EIF3L: variants seen among roughly 807,000 people sequenced by gnomAD.
The protein encoded by EIF3L is eukaryotic translation initiation factor 3 subunit L.
Under a neutral mutation model 74.6 loss-of-function variants are expected in EIF3L, and 32 were observed. The observed-to-expected ratio is 0.43, with a 90% CI of 0.32 to 0.58. The LOEUF is 0.58. Among genes scored for constraint, EIF3L ranks in the 20% least tolerant of loss-of-function variants. EIF3L has a pLI of 0.06. For missense variants in EIF3L, 474 were observed against 707.8 expected (o/e 0.67, Z 3.75); for synonymous variants, 256 against 254.4 (o/e 1.01, Z -0.06).
At chr22:37,886,375 C>A (rs959342820) in intron 11 of EIF3L, 4 of 156,206 alleles carry the variant, frequency 2.6e-5, no homozygotes, top group Non-Finnish European at 5.7e-5. Flanking sequence ...TTGAGACCAG[C>A]CTGATTAACA....
chr22:37,851,391 A>G lies in EIF3L; in HGVS notation c.194A>G (p.Asp65Gly), dbSNP rs144080891. The change falls in exon 3 of 13, where the codon GAT becomes GGT. Residue 65 changes from aspartate (D) to glycine (G), a missense_variant. Asp to Gly is a moderately conservative substitution (Grantham distance 94, BLOSUM62 -1). Around this residue, in one of 4 missense-constraint regions of EIF3L, gnomAD observed 141 missense variants for 197.7 expected, o/e 0.71. Coordinates refer to ENST00000652021, the MANE Select transcript of EIF3L (RefSeq NM_016091.4). The stretch of plus-strand genomic sequence containing the variant: ...CAGTATTTCCACAAAACTGTCTCAG[A>G]TTTGATTGACCAGAAAGTGTATGAG... Reference protein sequence around the residue: ...FIQYFHKTVSDLIDQKVYELQ... With the variant: ...FIQYFHKTVSGLIDQKVYELQ... The G allele has an allele frequency of 6.1e-5, 98 of 1,613,892 alleles. No homozygotes were observed. The highest frequency in any genetic ancestry group is 7.9e-5 in the Non-Finnish European group (93 of 1,179,956).
intron 8 of EIF3L, among the ~76,000 whole-genome samples, chr22:37,871,977 C>A (rs1227757883): frequency 6.6e-6 from 1 of 152,052 alleles, no homozygotes; most frequent in African/African-American, 2.4e-5. Flanking sequence ...AGTATACTCA[C>A]CCTGTACTTC....
At position 37,888,488 on chromosome 22, in the gene EIF3L, C is replaced by G. The variant is rs367756277; in HGVS notation, c.*24C>G. 2 of 1,612,510 alleles carry G rather than the reference C, an allele frequency of 1.2e-6. No individual in the cohort carries two copies. Among genetic ancestry groups the G allele is most frequent in the South Asian group, 1.1e-5 (1 of 90,968 alleles). On this transcript the variant is annotated 3_prime_UTR_variant, in exon 13 of 13. Coordinates refer to ENST00000652021, the MANE Select transcript of EIF3L (RefSeq NM_016091.4). ...GATGATATTCACACACATTCAGGAACCTGTTTTGATGTATTATAGGCAGGA... is the reference window on the plus strand; with the variant it reads ...GATGATATTCACACACATTCAGGAAGCTGTTTTGATGTATTATAGGCAGGA...
intron 12 of EIF3L, chr22:37,888,178 A>G: frequency 2.4e-6 from 1 of 420,578 alleles, no homozygotes; most frequent in Non-Finnish European, 4.2e-6. Context: ...TTTTTCTGTC[A>G]GATGGATAGA....
chr22:37,866,415 C>G (rs1237763268), intron 7 of EIF3L, among the ~76,000 whole-genome samples: 1 of 152,122 alleles, frequency 6.6e-6, no homozygotes, highest in African/African-American at 2.4e-5. Context: ...GGGATCACTA[C>G]CTAGAAGTAG....
At chr22:37,851,513 G>A (rs1472667147) in intron 3 of EIF3L, 23 bp downstream of exon 3, 1 of 1,539,302 alleles carries the variant, frequency 6.5e-7, no homozygotes, top group South Asian at 1.1e-5. Flanking sequence ...GGCTGAAAGG[G>A]CCTCTTTCTG....
intron 5 of EIF3L, among the ~76,000 whole-genome samples, chr22:37,862,655 T>C (rs569367416): frequency 3.3e-5 from 5 of 152,322 alleles, no homozygotes; most frequent in East Asian, 1.9e-4. Context: ...GTGCCACGAT[T>C]TAACTTCTTC....
rs980171268 is a variant in EIF3L at position 37,863,256 on chromosome 22, G to A, written c.506-16G>A. On this transcript the variant is annotated splice_polypyrimidine_tract_variant and intron_variant, in intron 6 of 12. Transcript: ENST00000652021. Reference sequence around the variant, plus strand: ...TCATTGCTTTGAATCTGACTTTTCTGTGATCTCCTGCACAGATGCCGATGG... The same window carrying A: ...TCATTGCTTTGAATCTGACTTTTCTATGATCTCCTGCACAGATGCCGATGG... 2 of 1,606,262 alleles carry A rather than the reference G, an allele frequency of 1.2e-6. No homozygotes were observed. Among genetic ancestry groups the A allele is most frequent in the African/African-American group, 2.7e-5 (2 of 74,528 alleles).
At chr22:37,870,997 G>A (rs1012086507) in intron 8 of EIF3L, among the ~76,000 whole-genome samples, 5 of 151,980 alleles carry the variant, frequency 3.3e-5, no homozygotes. Context: ...GGTGGGTGGG[G>A]TGCCCCTGTA....
At chr22:37,869,973 C>T (rs149321137) in intron 7 of EIF3L, among the ~76,000 whole-genome samples, 1 of 152,302 alleles carries the variant, frequency 6.6e-6, no homozygotes, top group East Asian at 1.9e-4. Context: ...TAGTAAGTAA[C>T]ATTCAGTAAT....
intron 10 of EIF3L, 25 bp from the exon 11 acceptor site, chr22:37,877,649 G>T (rs1393083226): frequency 3.2e-6 from 5 of 1,573,768 alleles, no homozygotes; most frequent in Non-Finnish European, 4.3e-6. Context: ...ATTTGACCCA[G>T]TACCACTCTC....
rs112260260 is a variant in EIF3L at position 37,855,621 on chromosome 22, C to T, written c.350C>T (p.Ala117Val). 6.2e-7 allele frequency: 1 copy of T among 1,614,012 alleles called. No individual in the cohort carries two copies. Among genetic ancestry groups the T allele is most frequent in the African/African-American group, 1.3e-5 (1 of 74,946 alleles). ...FKNTPWPEAE[A>V]IAPQVGNDAV... Reference sequence around the variant, plus strand: ...AATACACCTTGGCCCGAGGCTGAAGCCATTGCTCCACAGGTTGGCAATGGT... The same window carrying T: ...AATACACCTTGGCCCGAGGCTGAAGTCATTGCTCCACAGGTTGGCAATGGT... Residue 117 changes from alanine (A) to valine (V), a missense_variant, in exon 4 of 13, where the codon GCC becomes GTC. Ala to Val is a moderately conservative substitution (Grantham distance 64). This residue lies in a region of EIF3L where 141 missense variants were observed against 197.7 expected (regional missense o/e 0.71). Transcript: ENST00000652021.
chr22:37,880,654 C>G (rs1432748987), intron 11 of EIF3L: 4 of 152,072 alleles, frequency 2.6e-5, no homozygotes, highest in African/African-American at 9.7e-5. Flanking sequence ...CTGTTCCCAG[C>G]CGATTTTAAG....
intron 3 of EIF3L, among the ~76,000 whole-genome samples, chr22:37,854,378 G>A (rs984037531): frequency 1.3e-5 from 2 of 152,206 alleles, no homozygotes; most frequent in Admixed American, 6.5e-5. Flanking sequence ...CAGCCAGAGA[G>A]CAGTGGGGTG....
In EIF3L at chr22:37,874,355, G is replaced by A. The variant is rs1461373800; in HGVS notation, c.752-15G>A. ...CCTGCCTCCTATCAGTATTCACGGT[G>A]TCTGTCTCTTTCAGGTGACCCTGAG... On this transcript the variant is annotated splice_polypyrimidine_tract_variant and intron_variant, in intron 8 of 12. Coordinates refer to ENST00000652021, the MANE Select transcript of EIF3L (RefSeq NM_016091.4). 3.7e-6 allele frequency: 6 copies of A among 1,612,754 alleles called. No homozygotes were observed. The Admixed American group carries it at 6.7e-5, about 18-fold the overall frequency.
intron 11 of EIF3L, chr22:37,885,883 C>G (rs1927292135): frequency 6.8e-6 from 1 of 147,170 alleles, no homozygotes; most frequent in Non-Finnish European, 1.5e-5. Context: ...GCATAAACAT[C>G]TTTATTCCCA....
Position 37,875,771 on chromosome 22 carries a change from G to C in EIF3L, c.907-70G>C, listed in dbSNP as rs1601776545. On this transcript the variant is annotated intron_variant, in intron 9 of 12. Coordinates refer to ENST00000652021, the MANE Select transcript of EIF3L (RefSeq NM_016091.4). ...AGGGCCTCTGCAGGGAAAACTCTTG[G>C]TGTTTCTACCTCTGGTTCTATCTAG... is the stretch of plus-strand genomic sequence containing the variant. 2.0e-6 allele frequency: 3 copies of C among 1,478,026 alleles called. No individual in the cohort carries two copies. The Middle Eastern group carries it at 5.4e-4, about 264-fold the overall frequency. 91.6% of individuals were successfully genotyped at this position (1,478,026 alleles called of 1,614,324 possible). A position where few individuals can be genotyped will look rare whatever the true frequency, so the allele number is the denominator to read the frequency against.
rs571108123 is a variant in EIF3L at position 37,850,007 on chromosome 22, C to T, written c.34-8C>T. The T allele has an allele frequency of 5.0e-6, 8 of 1,613,648 alleles. No homozygotes were observed. In the African/African-American group the frequency reaches 5.3e-5, roughly 11 times the overall value. The stretch of plus-strand genomic sequence containing the variant: ...CGGCTGTCCTTGACTGTGTCTCTTT[C>T]CTTCTAGGCGGCTTATGACCCCTAC... On this transcript the variant is annotated splice_region_variant and splice_polypyrimidine_tract_variant and intron_variant, in intron 1 of 12. Coordinates refer to ENST00000652021, the MANE Select transcript of EIF3L (RefSeq NM_016091.4).
intron 5 of EIF3L, among the ~76,000 whole-genome samples, chr22:37,860,090 C>T (rs182256265): frequency 7.4e-4 from 112 of 152,328 alleles, no homozygotes; most frequent in African/African-American, 2.6e-3. Context: ...TCAGTTGCCC[C>T]ACTGAAGTCC....
Sources: allele counts gnomAD v4.1 joint callset (sites outside exome capture counted in the v4.1 genomes callset), GRCh38; gene constraint gnomAD v4.1.1; regional missense constraint gnomAD v4.1.1; transcripts MANE v1.5; gene names NCBI Gene and HGNC (gene_info 2026-07-23, HGNC 2026-07-21).